Variants in ATR observed in about 807,000 individuals in gnomAD.
The protein encoded by ATR is ATR checkpoint kinase.
Under a neutral mutation model 305.3 loss-of-function variants are expected in ATR, and 142 were observed. The observed-to-expected ratio is 0.47, with a 90% CI of 0.41 to 0.53. ATR has a LOEUF of 0.53. ATR is among the 20% of genes least tolerant of loss of function. The pLI is 0.00. For missense variants in ATR, 2,135 were observed against 3,133.1 expected (o/e 0.68, Z 7.60); for synonymous variants, 1,050 against 1,068.1 (o/e 0.98, Z 0.33).
At chr3:142,567,785 AC>A (rs1348874561) in intron 2 of ATR, among the ~76,000 whole-genome samples, 1 of 152,216 alleles carries the variant, frequency 6.6e-6, no homozygotes, top group Admixed American at 6.5e-5. Flanking sequence ...TTGGTACTGG[AC>A]AAATATTTTT....
At chr3:142,502,726 T>G (rs1201334943) in intron 30 of ATR, among the ~76,000 whole-genome samples, 1 of 152,216 alleles carries the variant, frequency 6.6e-6, no homozygotes, top group Non-Finnish European at 1.5e-5. Flanking sequence ...GACCAGATTT[T>G]ACTGCCCAGA....
chr3:142,571,560 C>T (rs1347268537), intron 1 of ATR, among the ~76,000 whole-genome samples: 2 of 152,064 alleles, frequency 1.3e-5, no homozygotes, highest in Admixed American at 6.6e-5. Context: ...TTAACTCTAC[C>T]TAGAGGATTC....
At chr3:142,556,262 TA>T (rs1391756178) in intron 9 of ATR, 120 bp downstream of exon 9, 13 of 1,490,830 alleles carry the variant, frequency 8.7e-6, no homozygotes, top group Admixed American at 4.1e-5. Context: ...TGTTAAATTC[TA>T]AAACTAAAAG....
chr3:142,560,557 CA>C (rs199632199), intron 5 of ATR, 103 bp from the exon 6 acceptor site: 457 of 1,178,334 alleles, frequency 3.9e-4, no homozygotes, highest in East Asian at 9.9e-4. Context: ...ATCAACTATT[CA>C]AAAAAATTTT....
chr3:142,493,088 G>A lies in ATR; in HGVS notation c.6078+44C>T, dbSNP rs768180580. 30 of 1,586,050 alleles carry A rather than the reference G, an allele frequency of 1.9e-5. 1 individual carries two copies. The highest frequency in any genetic ancestry group is 1.3e-4 in the East Asian group (6 of 44,500). On this transcript the variant is annotated intron_variant, in intron 35 of 46. Coordinates refer to ENST00000350721, the MANE Select transcript of ATR (RefSeq NM_001184.4). The stretch of plus-strand genomic sequence containing the variant: ...GCCATATAGACTTAAGTCATTTTAC[G>A]TAGTCAACAGAGTTAACTGAAACTG...
intron 15 of ATR, 69 bp downstream of exon 15, chr3:142,549,410 A>G (rs890382266): frequency 4.5e-6 from 5 of 1,117,170 alleles, no homozygotes; most frequent in Non-Finnish European, 6.2e-6. Context: ...CTTTCCTAGA[A>G]GAATGTTACA....
intron 1 of ATR, among the ~76,000 whole-genome samples, chr3:142,576,587 T>G (rs748302467): frequency 2.0e-5 from 3 of 152,166 alleles, no homozygotes; most frequent in African/African-American, 4.8e-5. Flanking sequence ...AGAAAAATAA[T>G]TTTTTTAATT....
chr3:142,461,918 G>GTATAAGAAT, intron 42 of ATR, 22 bp downstream of exon 42: 1 of 1,605,868 alleles, frequency 6.2e-7, no homozygotes, highest in Non-Finnish European at 8.5e-7. Context: ...CACTGTATAT[G>GTATAAGAAT]TATAAGAATT....
chr3:142,547,960 T>C (rs2108452220), intron 15 of ATR, 50 bp from the exon 16 acceptor site: 1 of 1,483,078 alleles, frequency 6.7e-7, no homozygotes, highest in Non-Finnish European at 9.4e-7. Context: ...ACTAATATCC[T>C]GGAAATAAGT....
chr3:142,554,208 T>C (rs1325880482), intron 10 of ATR, among the ~76,000 whole-genome samples, 193 bp from the exon 11 acceptor site: 2 of 152,162 alleles, frequency 1.3e-5, no homozygotes, highest in Non-Finnish European at 2.9e-5. Flanking sequence ...TAAAATTACT[T>C]TATATTTAAT....
chr3:142,561,529 C>T, intron 4 of ATR, 108 bp from the exon 5 acceptor site: 1 of 1,159,618 alleles, frequency 8.6e-7, no homozygotes, highest in Non-Finnish European at 1.2e-6. Context: ...AGTGAAACTA[C>T]TTTTAGAGTC....
intron 30 of ATR, among the ~76,000 whole-genome samples, chr3:142,502,510 G>A (rs759195472): frequency 6.6e-6 from 1 of 151,990 alleles, no homozygotes; most frequent in African/African-American, 2.4e-5. Flanking sequence ...CTATCTTTTG[G>A]GTACTATGCT....
At position 142,548,493 on chromosome 3, in the gene ATR, A is replaced by T. The variant is rs575412139; in HGVS notation, c.3172-583T>A. 1.6e-3 allele frequency among the ~76,000 whole-genome samples: 246 copies of T among 152,202 alleles called. 1 individual carries two copies. The highest frequency in any genetic ancestry group is 4.7e-3 in the African/African-American group (195 of 41,530). On this transcript the variant is annotated intron_variant, in intron 15 of 46. Coordinates refer to ENST00000350721, the MANE Select transcript of ATR (RefSeq NM_001184.4). ...ACACCAGCCTGGCCAACATGGTGAA[A>T]CCCCACCTCTACTAAAAATACAAAA...
Position 142,472,424 on chromosome 3 carries a change from A to G in ATR, c.6222-2241T>C, listed in dbSNP as rs528576208. ...TTCCCTTTTCCCCATATCCTCTCCA[A>G]TGCTTGTTATCTTTTGTCTTTTATA... On this transcript the variant is annotated intron_variant, in intron 36 of 46. Coordinates refer to ENST00000350721, the MANE Select transcript of ATR (RefSeq NM_001184.4). 8 of 152,172 alleles carry G rather than the reference A, an allele frequency of 5.3e-5. No homozygotes were observed. In the South Asian group the frequency reaches 1.5e-3, roughly 28 times the overall value. 9.4% of individuals were successfully genotyped at this position (152,172 alleles called of 1,614,324 possible). A position where few individuals can be genotyped will look rare whatever the true frequency, so the allele number is the denominator to read the frequency against.
intron 3 of ATR, among the ~76,000 whole-genome samples, chr3:142,565,733 T>TAAAAA (rs55690216): frequency 3.8e-5 from 3 of 79,332 alleles, no homozygotes; most frequent in South Asian, 4.3e-4. Context: ...CTGTCTTATT[T>TAAAAA]AAAAAAAAAA....
At chr3:142,494,767 AGGCTTAATCCTAAAGG>A (rs1442376264) in intron 34 of ATR, among the ~76,000 whole-genome samples, 1 of 152,224 alleles carries the variant, frequency 6.6e-6, no homozygotes, top group Non-Finnish European at 1.5e-5. Context: ...TCCTAGAGTT[AGGCTTAATCCTAAAGG>A]TATGAAGAAT....
intron 27 of ATR, among the ~76,000 whole-genome samples, chr3:142,509,977 A>G (rs2032465456): frequency 6.6e-6 from 1 of 151,886 alleles, no homozygotes; most frequent in African/African-American, 2.4e-5. Flanking sequence ...TTAGTCGGGT[A>G]TGGTGGCATG....
intron 21 of ATR, among the ~76,000 whole-genome samples, chr3:142,525,425 G>C (rs2033335373): frequency 6.7e-6 from 1 of 150,296 alleles, no homozygotes. Context: ...ACCTCCTACA[G>C]TTAAAAAAAA....
intron 44 of ATR, among the ~76,000 whole-genome samples, chr3:142,458,453 C>T (rs2070954455): frequency 6.6e-6 from 1 of 152,158 alleles, no homozygotes; most frequent in South Asian, 2.1e-4. Flanking sequence ...CCAGTCTGCC[C>T]TGCAGGATTA....
Sources: allele counts gnomAD v4.1 joint callset (sites outside exome capture counted in the v4.1 genomes callset), GRCh38; gene constraint gnomAD v4.1.1; transcripts MANE v1.5; gene names NCBI Gene and HGNC (gene_info 2026-07-23, HGNC 2026-07-21).